Variants in KCNQ5 observed in about 807,000 individuals in gnomAD.
The protein encoded by KCNQ5 is potassium voltage-gated channel subfamily KQT member 5.
In KCNQ5, 30 loss-of-function variants were observed where a neutral mutation model predicts 98.2. The ratio of observed to expected loss-of-function variants is 0.31; its 90% confidence interval spans 0.23 to 0.41. The LOEUF (loss-of-function observed/expected upper bound fraction) is 0.41, where lower values mean the gene tolerates loss of function less well. Ranked by LOEUF, KCNQ5 falls within the 10% of genes least tolerant of loss-of-function variation. The pLI is 1.00. For synonymous variants in KCNQ5, 458 were observed against 449.4 expected (o/e 1.02, Z -0.24); for missense variants, 835 against 1,182.5 (o/e 0.71, Z 4.31).
At chr6:73,103,413 T>C (rs6925506) in intron 5 of KCNQ5, among the ~76,000 whole-genome samples, 145,533 of 152,056 alleles carry the variant, frequency 0.96, 69,639 homozygotes, top group South Asian at 0.98. Flanking sequence ...CATGTTCTCA[T>C]TCATAGGTGG....
intron 1 of KCNQ5, chr6:72,986,265 C>A (rs568055465): frequency 4.3e-6 from 1 of 234,700 alleles, no homozygotes. Flanking sequence ...ATATACACCA[C>A]GGAATACTAC....
At chr6:72,624,979 G>A (rs1309082559) in intron 1 of KCNQ5, among the ~76,000 whole-genome samples, 1 of 152,188 alleles carries the variant, frequency 6.6e-6, no homozygotes, top group East Asian at 1.9e-4. Flanking sequence ...AATTTCGAGA[G>A]AGGTGTAACT....
At chr6:72,676,811 T>C (rs1767433379) in intron 1 of KCNQ5, among the ~76,000 whole-genome samples, 1 of 152,324 alleles carries the variant, frequency 6.6e-6, no homozygotes, top group East Asian at 1.9e-4. Context: ...CATTGTATTT[T>C]CCTTCAAAAA....
At chr6:72,809,158 C>A (rs555828395) in intron 1 of KCNQ5, among the ~76,000 whole-genome samples, 2 of 145,482 alleles carry the variant, frequency 1.4e-5, no homozygotes, top group African/African-American at 5.2e-5. Flanking sequence ...AACCAAACAC[C>A]GCATATTCTC....
At chr6:73,155,709 T>G (rs1308528469) in intron 10 of KCNQ5, among the ~76,000 whole-genome samples, 1 of 152,180 alleles carries the variant, frequency 6.6e-6, no homozygotes, top group East Asian at 1.9e-4. Flanking sequence ...TTGATAGGAT[T>G]TGTCTTAGAG....
intron 1 of KCNQ5, among the ~76,000 whole-genome samples, chr6:72,861,643 C>T (rs181122378): frequency 1.4e-3 from 211 of 152,186 alleles, no homozygotes; most frequent in Admixed American, 2.3e-3. Context: ...ATTAATGGAG[C>T]TTAAGCTTTA....
chr6:72,800,431 C>G (rs1457659033), intron 1 of KCNQ5, among the ~76,000 whole-genome samples: 1 of 152,186 alleles, frequency 6.6e-6, no homozygotes, highest in Non-Finnish European at 1.5e-5. Flanking sequence ...TTGTAGTATT[C>G]TCTGATGGTA....
chr6:72,819,811 G>A (rs1005363612), intron 1 of KCNQ5, among the ~76,000 whole-genome samples: 2 of 152,106 alleles, frequency 1.3e-5, no homozygotes, highest in Admixed American at 6.5e-5. Context: ...GAGCTTCTCC[G>A]AAGGTAACCT....
At chr6:72,687,076 A>T (rs907295483) in intron 1 of KCNQ5, among the ~76,000 whole-genome samples, 1 of 152,296 alleles carries the variant, frequency 6.6e-6, no homozygotes, top group South Asian at 2.1e-4. Context: ...TAACTCTTGT[A>T]TTTAATTTAC....
chr6:72,706,233 T>G (rs941934985), intron 1 of KCNQ5, among the ~76,000 whole-genome samples: 8 of 151,996 alleles, frequency 5.3e-5, no homozygotes, highest in Non-Finnish European at 1.2e-4. Context: ...ATTTCTTATT[T>G]TATTAAAGCA....
chr6:72,721,700 C>T (rs1382264262), intron 1 of KCNQ5, among the ~76,000 whole-genome samples: 6 of 152,110 alleles, frequency 3.9e-5, no homozygotes, highest in Admixed American at 2.0e-4. Flanking sequence ...TTTTGAGAAC[C>T]ACTGTTATAG....
intron 10 of KCNQ5, among the ~76,000 whole-genome samples, chr6:73,159,800 C>G (rs1777536813): frequency 1.3e-5 from 2 of 152,048 alleles, no homozygotes; most frequent in Non-Finnish European, 2.9e-5. Flanking sequence ...GGATATTAAG[C>G]CTTTTTTATA....
At chr6:73,124,099 A>T (rs1775853102) in intron 8 of KCNQ5, among the ~76,000 whole-genome samples, 1 of 152,250 alleles carries the variant, frequency 6.6e-6, no homozygotes, top group East Asian at 1.9e-4. Flanking sequence ...ATCCAGGTTT[A>T]GAAACCAAAG....
intron 1 of KCNQ5, among the ~76,000 whole-genome samples, chr6:72,948,254 T>C (rs1345652568): frequency 1.3e-5 from 2 of 152,072 alleles, no homozygotes; most frequent in African/African-American, 4.8e-5. Flanking sequence ...AAGGAAAATA[T>C]ATTGGCTTCA....
At chr6:72,847,649 A>C (rs902687235) in intron 1 of KCNQ5, among the ~76,000 whole-genome samples, 2 of 152,208 alleles carry the variant, frequency 1.3e-5, no homozygotes, top group Non-Finnish European at 2.9e-5. Context: ...CTCCTCCTCC[A>C]ATCATCCTTC....
rs375598366 is a variant in KCNQ5, at chr6:72,955,467, T to C, written c.399-48441T>C. Among the ~76,000 whole-genome samples the C allele has an allele frequency of 2.6e-5, 4 of 152,352 alleles. No individual in the cohort carries two copies. In the East Asian group the frequency reaches 7.7e-4, roughly 29 times the overall value. ...CTTTTGCCTTTTAAATCATTTTAAA[T>C]TGCTTTGAGTGTTGCCAAAATGCAT... On this transcript the variant is annotated intron_variant, in intron 1 of 13. Coordinates refer to ENST00000370398, the MANE Select transcript of KCNQ5 (RefSeq NM_019842.4).
intron 1 of KCNQ5, among the ~76,000 whole-genome samples, chr6:72,825,305 C>T (rs139275884): frequency 6.6e-6 from 1 of 152,264 alleles, no homozygotes; most frequent in African/African-American, 2.4e-5. Flanking sequence ...GCACTTACTA[C>T]TTTGGGTTGT....
intron 1 of KCNQ5, among the ~76,000 whole-genome samples, chr6:72,890,237 A>G (rs554798439): frequency 6.6e-6 from 1 of 152,350 alleles, no homozygotes; most frequent in South Asian, 2.1e-4. Flanking sequence ...AAGCATATTC[A>G]TCACCTGTCA....
At chr6:73,158,156 C>T (rs9446859) in intron 10 of KCNQ5, 3 of 332,348 alleles carry the variant, frequency 9.0e-6, no homozygotes, top group East Asian at 7.5e-5. Flanking sequence ...GGGGAGGGGG[C>T]GGGGCGGCGG....
Sources: gnomAD v4.1 joint callset for allele counts (sites outside exome capture counted in the v4.1 genomes callset) on GRCh38, gnomAD v4.1.1 for gene constraint, MANE v1.5 for transcripts, NCBI Gene and HGNC (gene_info 2026-07-23, HGNC 2026-07-21) for gene names.